The following ANKRD6 variants were observed in gnomAD, a reference collection of about 807,000 sequenced individuals.
ANKRD6 encodes ankyrin repeat domain-containing protein 6.
In ANKRD6, 56 loss-of-function variants were observed where a neutral mutation model predicts 82.3. The observed-to-expected ratio is 0.68, with a 90% CI of 0.55 to 0.85. The LOEUF (loss-of-function observed/expected upper bound fraction) is 0.85, where lower values mean the gene tolerates loss of function less well. Ranked by LOEUF, ANKRD6 falls within the 40% of genes least tolerant of loss-of-function variation. ANKRD6 has a pLI of 0.00. For synonymous variants in ANKRD6, 347 were observed against 352.1 expected, an observed-to-expected ratio of 0.99 and a Z score of 0.16; for missense variants, 852 against 907.6, an observed-to-expected ratio of 0.94 and a Z score of 0.79.
intron 1 of ANKRD6, among the ~76,000 whole-genome samples, chr6:89,442,636 C>CAAAAAAA (rs59245345): frequency 3.1e-5 from 3 of 97,494 alleles, no homozygotes; most frequent in Non-Finnish European, 2.0e-5. Context: ...AACCCTGTCT[C>CAAAAAAA]AAAAAAAAAA....
chr6:89,608,884 G>A (rs1015965741), intron 5 of ANKRD6, among the ~76,000 whole-genome samples: 3 of 152,016 alleles, frequency 2.0e-5, no homozygotes, highest in African/African-American at 7.2e-5. Context: ...TCTGCTCAGC[G>A]ACCTTCTCAT....
At chr6:89,479,281 T>C (rs1248953171) in intron 1 of ANKRD6, among the ~76,000 whole-genome samples, 1 of 152,218 alleles carries the variant, frequency 6.6e-6, no homozygotes, top group African/African-American at 2.4e-5. Flanking sequence ...TTTTCTGTTA[T>C]TGGACACTAG....
intron 2 of ANKRD6, among the ~76,000 whole-genome samples, chr6:89,576,998 C>T (rs770133709): frequency 6.6e-6 from 1 of 151,890 alleles, no homozygotes; most frequent in Non-Finnish European, 1.5e-5. Flanking sequence ...CTTCTGGACT[C>T]AAGTGATTCT....
chr6:89,564,231 C>T (rs749005654), intron 1 of ANKRD6, among the ~76,000 whole-genome samples: 1 of 151,972 alleles, frequency 6.6e-6, no homozygotes. Flanking sequence ...TGTGAGGGAC[C>T]TGTTCTGGAG....
At chr6:89,620,297 T>A (rs1802734260) in intron 9 of ANKRD6, 1 of 152,220 alleles carries the variant, frequency 6.6e-6, no homozygotes, top group Non-Finnish European at 1.5e-5. Context: ...TGACTAATGA[T>A]ATGGTGAATG....
chr6:89,606,420 A>G (rs1017987901), intron 5 of ANKRD6, among the ~76,000 whole-genome samples: 1 of 152,220 alleles, frequency 6.6e-6, no homozygotes, highest in Non-Finnish European at 1.5e-5. Flanking sequence ...TGGAGTTGGC[A>G]TTAAAAAAAT....
intron 8 of ANKRD6, among the ~76,000 whole-genome samples, chr6:89,617,558 G>A (rs1433635479): frequency 6.6e-6 from 1 of 152,182 alleles, no homozygotes; most frequent in Non-Finnish European, 1.5e-5. Flanking sequence ...ACTGGGCTGG[G>A]CCTCAGATCC....
At chr6:89,501,250 C>T (rs868202369) in intron 1 of ANKRD6, among the ~76,000 whole-genome samples, 4 of 152,166 alleles carry the variant, frequency 2.6e-5, no homozygotes, top group Non-Finnish European at 4.4e-5. Context: ...CTTGTTTCTA[C>T]GTATTTCCAG....
At chr6:89,435,627 G>T (rs570032639) in intron 1 of ANKRD6, among the ~76,000 whole-genome samples, 5 of 152,284 alleles carry the variant, frequency 3.3e-5, no homozygotes, top group Admixed American at 3.3e-4. Flanking sequence ...TGTCTCCCTG[G>T]CACGGATCCC....
chr6:89,465,107 A>G (rs796927983), intron 1 of ANKRD6, among the ~76,000 whole-genome samples: 8 of 150,888 alleles, frequency 5.3e-5, no homozygotes, highest in African/African-American at 1.9e-4. Context: ...AGATTTTCTG[A>G]CACATTGCTT....
intron 5 of ANKRD6, among the ~76,000 whole-genome samples, chr6:89,608,147 G>C (rs1799261340): frequency 6.6e-6 from 1 of 152,196 alleles, no homozygotes; most frequent in Non-Finnish European, 1.5e-5. Context: ...GGTAAGAAGG[G>C]TCATAAAAGG....
At chr6:89,545,385 T>C (rs1172636907) in intron 1 of ANKRD6, among the ~76,000 whole-genome samples, 1 of 152,148 alleles carries the variant, frequency 6.6e-6, no homozygotes, top group Non-Finnish European at 1.5e-5. Context: ...GACAGTGGTT[T>C]CCTGTAGCGG....
At chr6:89,583,590 A>G (rs1484473559) in intron 2 of ANKRD6, among the ~76,000 whole-genome samples, 1 of 152,200 alleles carries the variant, frequency 6.6e-6, no homozygotes, top group Non-Finnish European at 1.5e-5. Context: ...TTGGTATGGC[A>G]GGTCAGACAC....
chr6:89,475,374 T>G (rs965926161), intron 1 of ANKRD6, among the ~76,000 whole-genome samples: 15 of 152,356 alleles, frequency 9.8e-5, no homozygotes, highest in Middle Eastern at 3.4e-3. Context: ...TGCCATATTC[T>G]AAATTCTGTT....
chr6:89,579,994 T>C (rs1380841446), intron 2 of ANKRD6, among the ~76,000 whole-genome samples: 2 of 152,052 alleles, frequency 1.3e-5, no homozygotes, highest in African/African-American at 4.8e-5. Flanking sequence ...GTCAAAATTA[T>C]AGGGACAGAA....
At chr6:89,464,448 T>C (rs1774588299) in intron 1 of ANKRD6, among the ~76,000 whole-genome samples, 1 of 152,210 alleles carries the variant, frequency 6.6e-6, no homozygotes, top group African/African-American at 2.4e-5. Context: ...CAAGGTGCCC[T>C]AGGTGGTTCA....
At chr6:89,458,153 G>GA (rs1187801364) in intron 1 of ANKRD6, among the ~76,000 whole-genome samples, 1 of 152,158 alleles carries the variant, frequency 6.6e-6, no homozygotes, top group East Asian at 1.9e-4. Flanking sequence ...TTAAGCCACT[G>GA]AGTCTATGGT....
At chr6:89,524,526 G>C (rs148180354) in intron 1 of ANKRD6, among the ~76,000 whole-genome samples, 1 of 152,120 alleles carries the variant, frequency 6.6e-6, no homozygotes, top group Non-Finnish European at 1.5e-5. Context: ...GCAGCAACTG[G>C]GCTGGAGTTG....
chr6:89,524,184 G>A (rs781301324), intron 1 of ANKRD6, among the ~76,000 whole-genome samples: 3 of 151,752 alleles, frequency 2.0e-5, no homozygotes, highest in Non-Finnish European at 2.9e-5. Flanking sequence ...AGCTTTTTGG[G>A]AACAGGTGGT....
Sources: gnomAD v4.1 joint callset for allele counts (sites outside exome capture counted in the v4.1 genomes callset) on GRCh38, gnomAD v4.1.1 for gene constraint, MANE v1.5 for transcripts, NCBI Gene and HGNC (gene_info 2026-07-23, HGNC 2026-07-21) for gene names.